MYO5B: variants seen among roughly 807,000 people sequenced by gnomAD.
MYO5B encodes myosin VB, also known as unconventional myosin-Vb.
Under a neutral mutation model 229.3 loss-of-function variants are expected in MYO5B, and 143 were observed. That is an observed-to-expected ratio of 0.62 (90% CI 0.54 to 0.72). MYO5B has a LOEUF of 0.72. MYO5B is among the 30% of genes least tolerant of loss of function. MYO5B has a pLI of 0.00. For missense variants in MYO5B, 2,321 were observed against 2,331.0 expected (o/e 1.00, Z 0.09); for synonymous variants, 918 against 885.2 (o/e 1.04, Z -0.66).
rs193196700 is a variant in MYO5B at position 50,041,515 on chromosome 18, G to T, written c.139-1201C>A. ...AAACACTAGCACATACAGAAAAATT[G>T]TATGTTATAATGTTAAATTGCAAAT... On this transcript the variant is annotated intron_variant, in intron 2 of 39. Coordinates refer to ENST00000285039, the MANE Select transcript of MYO5B (RefSeq NM_001080467.3). Among the ~76,000 whole-genome samples the T allele has an allele frequency of 6.3e-4, 96 of 152,142 alleles. 3 individuals are homozygous for T. In the East Asian group the frequency reaches 0.017, roughly 26 times the overall value.
intron 1 of MYO5B, among the ~76,000 whole-genome samples, chr18:50,182,199 T>C (rs2033082670): frequency 6.6e-6 from 1 of 152,222 alleles, no homozygotes; most frequent in Admixed American, 6.5e-5. Context: ...TGTTATCTTT[T>C]CTAGGTGAGA....
intron 2 of MYO5B, among the ~76,000 whole-genome samples, chr18:50,041,615 C>T (rs1201492560): frequency 6.6e-6 from 1 of 151,858 alleles, no homozygotes; most frequent in East Asian, 1.9e-4. Context: ...AAAAATTAGA[C>T]CAGTATTCTT....
At chr18:50,087,075 C>T (rs1568101253) in intron 1 of MYO5B, among the ~76,000 whole-genome samples, 1 of 152,180 alleles carries the variant, frequency 6.6e-6, no homozygotes, top group Non-Finnish European at 1.5e-5. Context: ...AACCACCATG[C>T]CATGGACACT....
chr18:50,036,346 C>A (rs2026448398), intron 4 of MYO5B, among the ~76,000 whole-genome samples: 1 of 152,216 alleles, frequency 6.6e-6, no homozygotes, highest in Admixed American at 6.5e-5. Context: ...AGCTCCACTT[C>A]CAGGCTAAAA....
intron 1 of MYO5B, among the ~76,000 whole-genome samples, chr18:50,130,335 G>A (rs1021632915): frequency 6.6e-6 from 1 of 152,116 alleles, no homozygotes; most frequent in Non-Finnish European, 1.5e-5. Context: ...AGTTTTCTTG[G>A]ATAAGGAAAA....
At chr18:49,958,227 G>A (rs899642598) in intron 12 of MYO5B, among the ~76,000 whole-genome samples, 2 of 152,096 alleles carry the variant, frequency 1.3e-5, no homozygotes, top group South Asian at 4.2e-4. Flanking sequence ...AATTTCACTC[G>A]GAGAATCACT....
chr18:49,919,624 C>T (rs1460369431), intron 17 of MYO5B, among the ~76,000 whole-genome samples: 1 of 152,154 alleles, frequency 6.6e-6, no homozygotes, highest in Non-Finnish European at 1.5e-5. Flanking sequence ...CACAAGATAC[C>T]TCTTCACACC....
chr18:50,183,136 T>C (rs1406332082), intron 1 of MYO5B, among the ~76,000 whole-genome samples: 1 of 151,878 alleles, frequency 6.6e-6, no homozygotes, highest in Non-Finnish European at 1.5e-5. Context: ...ACCACCTTTT[T>C]TGGATAATTG....
At chr18:49,907,574 C>T (rs918871302) in intron 18 of MYO5B, among the ~76,000 whole-genome samples, 2 of 152,138 alleles carry the variant, frequency 1.3e-5, no homozygotes, top group African/African-American at 4.8e-5. Context: ...GGCATGAAGA[C>T]CATAATGAGA....
At chr18:49,949,674 A>C (rs917601447) in intron 14 of MYO5B, among the ~76,000 whole-genome samples, 1 of 152,226 alleles carries the variant, frequency 6.6e-6, no homozygotes, top group Admixed American at 6.5e-5. Context: ...AGAAAAAAAA[A>C]GTCTCTCATA....
At chr18:49,895,315 G>A in intron 21 of MYO5B, 141 bp from the exon 22 acceptor site, 2 of 731,188 alleles carry the variant, frequency 2.7e-6, no homozygotes, top group South Asian at 3.0e-5. Flanking sequence ...GCATGCTCAA[G>A]TGCTTGCCTG....
intron 12 of MYO5B, among the ~76,000 whole-genome samples, chr18:49,958,499 T>C (rs1369741127): frequency 6.6e-6 from 1 of 152,188 alleles, no homozygotes; most frequent in East Asian, 1.9e-4. Flanking sequence ...TGTCCTAACG[T>C]GCAGAAACTC....
chr18:49,864,548 CTGGATG>C (rs2024374488), intron 27 of MYO5B, among the ~76,000 whole-genome samples, 168 bp from the exon 28 acceptor site: 1 of 151,612 alleles, frequency 6.6e-6, no homozygotes, highest in Non-Finnish European at 1.5e-5. Flanking sequence ...AAGCTGGGGC[CTGGATG>C]TGAACTCATG....
chr18:50,062,633 C>G (rs2030716789), intron 1 of MYO5B, among the ~76,000 whole-genome samples: 1 of 152,186 alleles, frequency 6.6e-6, no homozygotes, highest in African/African-American at 2.4e-5. Context: ...CCTGCACCCC[C>G]TCCCAGTAGA....
intron 12 of MYO5B, among the ~76,000 whole-genome samples, chr18:49,961,680 C>G (rs1341894242): frequency 2.0e-5 from 3 of 152,192 alleles, no homozygotes; most frequent in African/African-American, 7.2e-5. Context: ...CCCCTATCAT[C>G]GAGCAGGAAA....
rs115941445 is a variant in MYO5B at position 49,897,537 on chromosome 18, G to A, written c.2812-2363C>T. On this transcript the variant is annotated intron_variant, in intron 21 of 39. Transcript: ENST00000285039. ...TTGATAGATATGCAATGTGAAATAA[G>A]CACATCATGAAGAATGGGATACCCC... is the stretch of plus-strand genomic sequence containing the variant. Among the ~76,000 whole-genome samples the A allele has an allele frequency of 2.9e-3, 437 of 152,190 alleles. 3 individuals carry two copies. The highest frequency in any genetic ancestry group is 9.8e-3 in the African/African-American group (406 of 41,524).
At chr18:50,034,917 G>A (rs1055324237) in intron 4 of MYO5B, among the ~76,000 whole-genome samples, 2 of 152,124 alleles carry the variant, frequency 1.3e-5, no homozygotes, top group African/African-American at 2.4e-5. Flanking sequence ...AAACCTTAAA[G>A]AAAATCCTTA....
chr18:49,886,880 T>A (rs958028821), intron 22 of MYO5B, among the ~76,000 whole-genome samples: 2 of 152,198 alleles, frequency 1.3e-5, no homozygotes, highest in African/African-American at 4.8e-5. Context: ...GATACACCTC[T>A]ATACCAGGAG....
At chr18:49,967,187 AT>A (rs2144268725) in intron 10 of MYO5B, among the ~76,000 whole-genome samples, 1 of 152,320 alleles carries the variant, frequency 6.6e-6, no homozygotes, top group East Asian at 1.9e-4. Context: ...CACTGTTTCC[AT>A]TTCTATTTTC....
Sources: gnomAD v4.1 joint callset for allele counts (sites outside exome capture counted in the v4.1 genomes callset) on GRCh38, gnomAD v4.1.1 for gene constraint, MANE v1.5 for transcripts, NCBI Gene and HGNC (gene_info 2026-07-23, HGNC 2026-07-21) for gene names.